The following BTAF1 variants were observed in gnomAD, a reference collection of about 807,000 sequenced individuals.
BTAF1 encodes B-TFIID TATA-box binding protein associated factor 1.
In BTAF1, 38 loss-of-function variants were observed where a neutral mutation model predicts 227.1. That is an observed-to-expected ratio of 0.17 (90% confidence interval 0.13 to 0.22). The LOEUF is 0.22. Among genes scored for constraint, BTAF1 ranks in the 10% least tolerant of loss-of-function variants. BTAF1 has a pLI of 1.00. For synonymous variants in BTAF1, 742 were observed against 751.9 expected (o/e 0.99, Z 0.21); for missense variants, 1,598 against 2,204.0 (o/e 0.73, Z 5.51).
chr10:91,966,478 A>G (rs1846921911), intron 13 of BTAF1, among the ~76,000 whole-genome samples, 159 bp from the exon 14 acceptor site: 1 of 152,202 alleles, frequency 6.6e-6, no homozygotes, highest in African/African-American at 2.4e-5. Flanking sequence ...ACATTGTTAC[A>G]TGAATGTTCA....
intron 25 of BTAF1, among the ~76,000 whole-genome samples, chr10:91,998,112 A>C (rs1169229643): frequency 7.1e-6 from 1 of 140,824 alleles, no homozygotes; most frequent in Admixed American, 7.4e-5. Context: ...CCTGGGCGAC[A>C]GCGAGACTCC....
intron 25 of BTAF1, among the ~76,000 whole-genome samples, chr10:91,998,109 G>A (rs1462184240): frequency 3.7e-5 from 5 of 136,218 alleles, no homozygotes; most frequent in Admixed American, 3.1e-4. Context: ...TATCCTGGGC[G>A]ACAGCGAGAC....
intron 19 of BTAF1, among the ~76,000 whole-genome samples, chr10:91,987,889 A>T (rs1477443737): frequency 1.3e-5 from 2 of 152,108 alleles, no homozygotes; most frequent in Non-Finnish European, 2.9e-5. Context: ...CTTTGCCAGG[A>T]ATTCCCCATC....
chr10:91,929,293 A>C (rs906067462), intron 1 of BTAF1, among the ~76,000 whole-genome samples: 1 of 152,248 alleles, frequency 6.6e-6, no homozygotes, highest in Non-Finnish European at 1.5e-5. Flanking sequence ...AGAAAGTTTC[A>C]GAAATATATA....
rs375509577 is a variant in BTAF1 at position 91,950,832 on chromosome 10, AT to A, written c.401-553del. Among the ~76,000 whole-genome samples the A allele has an allele frequency of 1.2e-3, 155 of 132,544 alleles. 1 individual carries two copies. Among genetic ancestry groups the A allele is most frequent in the Middle Eastern group, 3.9e-3 (1 of 254 alleles). 87.0% of individuals were successfully genotyped at this position (132,544 alleles called of 152,430 possible). On this transcript the variant is annotated intron_variant, in intron 4 of 37. Transcript: ENST00000265990. ...AATTGATTTGTTTCCATAGAGATGTATTTTTTTTTTTTTTTTTTGAGACAGG... is the reference window on the plus strand; with the variant it reads ...AATTGATTTGTTTCCATAGAGATGTATTTTTTTTTTTTTTTTTGAGACAGG...
intron 14 of BTAF1, among the ~76,000 whole-genome samples, chr10:91,977,383 C>T (rs1847771672): frequency 6.6e-6 from 1 of 152,116 alleles, no homozygotes; most frequent in Non-Finnish European, 1.5e-5. Flanking sequence ...TAGTAATATG[C>T]ATTTAAGATT....
Position 92,026,717 on chromosome 10 carries a change from T to C in BTAF1, c.5201T>C (p.Leu1734Pro). Residue 1734 changes from leucine (L) to proline (P), a missense_variant, in exon 36 of 38, where the codon CTA becomes CCA. By Grantham distance (98) the Leu-to-Pro change is moderately conservative. Transcript: ENST00000265990. Reference protein sequence around the residue: ...VEHDWNPMRDLQAMDRAHRIG... With the variant: ...VEHDWNPMRDPQAMDRAHRIG... ...CATGACTGGAATCCTATGCGAGATC[T>C]ACAAGCCATGGACCGGGCCCATCGC... 6.2e-7 allele frequency: 1 copy of C among 1,613,950 alleles called. No individual in the cohort carries two copies. The highest frequency in any genetic ancestry group is 8.5e-7 in the Non-Finnish European group (1 of 1,179,938).
At chr10:91,940,131 G>T in intron 3 of BTAF1, 65 bp downstream of exon 3, 10 of 927,028 alleles carry the variant, frequency 1.1e-5, no homozygotes, top group Non-Finnish European at 1.4e-5. Flanking sequence ...TATAATATGC[G>T]TTTTGTATTT....
chr10:91,933,615 C>T (rs1225637236), intron 1 of BTAF1, among the ~76,000 whole-genome samples: 1 of 152,066 alleles, frequency 6.6e-6, no homozygotes, highest in Non-Finnish European at 1.5e-5. Flanking sequence ...AAAGAAGAGT[C>T]AAGAAAAATT....
At chr10:91,926,270 A>T (rs1172493442) in intron 1 of BTAF1, among the ~76,000 whole-genome samples, 1 of 152,226 alleles carries the variant, frequency 6.6e-6, no homozygotes, top group Non-Finnish European at 1.5e-5. Flanking sequence ...ATCAAATCTA[A>T]AATATTTTTT....
intron 26 of BTAF1, among the ~76,000 whole-genome samples, chr10:92,008,516 T>TTA (rs1850094180): frequency 6.6e-6 from 1 of 151,470 alleles, no homozygotes; most frequent in African/African-American, 2.4e-5. Context: ...GCTAGTTTTT[T>TTA]TTTTTTTTTT....
At chr10:91,924,650 A>T (rs773883690) in intron 1 of BTAF1, among the ~76,000 whole-genome samples, 2 of 152,246 alleles carry the variant, frequency 1.3e-5, no homozygotes, top group Non-Finnish European at 2.9e-5. Context: ...CAATTATCGT[A>T]TTAGCATCAT....
intron 34 of BTAF1, 140 bp from the exon 35 acceptor site, chr10:92,024,616 T>C: frequency 2.9e-6 from 2 of 693,258 alleles, no homozygotes; most frequent in South Asian, 2.0e-5. Context: ...GGGTGACAGA[T>C]TGCAGCCCAA....
rs749049222 is a variant in BTAF1, at chr10:92,024,920, A to G, written c.5028A>G (p.Arg1676=). 12 of 1,613,980 alleles carry G rather than the reference A, an allele frequency of 7.4e-6. No homozygotes were observed. Among genetic ancestry groups the G allele is most frequent in the Non-Finnish European group, 1.0e-5 (12 of 1,179,982 alleles). The change falls in exon 35 of 38, where the codon AGA becomes AGG. Residue 1676 remains arginine (R), a synonymous_variant. Transcript: ENST00000265990. ...ACTTGCCCTCTGTCACTTATTTGAGATTAGATGGCAGCATACCTCCTGGTC... is the reference window on the plus strand; with the variant it reads ...ACTTGCCCTCTGTCACTTATTTGAGGTTAGATGGCAGCATACCTCCTGGTC... ...KPHLPSVTYL[R]LDGSIPPGQR...
At chr10:91,956,364 G>A (rs1313789648) in intron 6 of BTAF1, among the ~76,000 whole-genome samples, 164 bp from the exon 7 acceptor site, 1 of 152,106 alleles carries the variant, frequency 6.6e-6, no homozygotes, top group Admixed American at 6.5e-5. Context: ...TTTGATACAT[G>A]GGATTTTAAG....
At chr10:91,959,368 C>A in intron 9 of BTAF1, 1 of 960,680 alleles carries the variant, frequency 1.0e-6, no homozygotes, top group Non-Finnish European at 1.4e-6. Flanking sequence ...ATTGGTATTG[C>A]CTGGAGACAC....
At position 91,959,510 on chromosome 10, in the gene BTAF1, T is replaced by C. The variant is rs12266974; in HGVS notation, c.991-275T>C. Among the ~76,000 whole-genome samples the C allele has an allele frequency of 0.14, 21,106 of 151,886 alleles. 1,746 individuals carry two copies. The highest frequency in any genetic ancestry group is 0.24 in the East Asian group (1,222 of 5,174). On this transcript the variant is annotated intron_variant, in intron 9 of 37. Coordinates refer to ENST00000265990, the MANE Select transcript of BTAF1 (RefSeq NM_003972.3). Reference sequence around the variant, plus strand: ...TCCATGAATTTTAAGAATTGTGATATAGTATATCTGAATTGAATTAATGAT... The same window carrying C: ...TCCATGAATTTTAAGAATTGTGATACAGTATATCTGAATTGAATTAATGAT...
intron 25 of BTAF1, among the ~76,000 whole-genome samples, chr10:92,001,969 CATATATATAT>C (rs10561233): frequency 9.1e-5 from 10 of 109,992 alleles, no homozygotes; most frequent in Non-Finnish European, 1.6e-4. Flanking sequence ...AAAAAAAAAC[CATATATATAT>C]ATATATACAC....
intron 33 of BTAF1, among the ~76,000 whole-genome samples, chr10:92,018,408 A>C (rs950389010): frequency 1.3e-5 from 2 of 152,188 alleles, no homozygotes; most frequent in Non-Finnish European, 2.9e-5. Flanking sequence ...CTGAAGTTTG[A>C]GCAACTTTTG....
Sources: gnomAD v4.1 joint callset for allele counts (sites outside exome capture counted in the v4.1 genomes callset) on GRCh38, gnomAD v4.1.1 for gene constraint, MANE v1.5 for transcripts, NCBI Gene and HGNC (gene_info 2026-07-23, HGNC 2026-07-21) for gene names.